Variants in SPAG16 observed in about 807,000 individuals in gnomAD.
SPAG16 encodes the protein sperm-associated antigen 16 protein.
SPAG16 carries 86 observed loss-of-function variants against 80.4 expected under a neutral mutation model. The observed-to-expected ratio is 1.07, with a 90% CI of 0.90 to 1.28. The LOEUF (loss-of-function observed/expected upper bound fraction) is 1.28. SPAG16 is among the 50% of genes most tolerant of loss of function. The pLI is 0.00. For synonymous variants in SPAG16, 294 were observed against 265.9 expected, an observed-to-expected ratio of 1.11 and a Z score of -1.03; for missense variants, 870 against 765.3, an observed-to-expected ratio of 1.14 and a Z score of -1.61.
At chr2:214,118,498 G>C (rs1373340187) in intron 14 of SPAG16, among the ~76,000 whole-genome samples, 1 of 152,050 alleles carries the variant, frequency 6.6e-6, no homozygotes, top group African/African-American at 2.4e-5. Flanking sequence ...ACATCGTTGG[G>C]GAGGCCTCAG....
intron 12 of SPAG16, among the ~76,000 whole-genome samples, chr2:213,961,058 T>C (rs1033284388): frequency 1.3e-5 from 2 of 152,316 alleles, no homozygotes; most frequent in Non-Finnish European, 2.9e-5. Context: ...GCTACTATTA[T>C]GTTAAGAGCC....
At chr2:213,391,739 C>A (rs2067764946) in intron 9 of SPAG16, among the ~76,000 whole-genome samples, 1 of 152,178 alleles carries the variant, frequency 6.6e-6, no homozygotes, top group Admixed American at 6.5e-5. Context: ...ACATAAGTTA[C>A]ACTGAATATG....
intron 12 of SPAG16, among the ~76,000 whole-genome samples, chr2:213,947,810 T>C (rs1200456393): frequency 6.6e-6 from 1 of 152,156 alleles, no homozygotes; most frequent in African/African-American, 2.4e-5. Flanking sequence ...ATGCACAGTC[T>C]TTCACAAATA....
chr2:213,808,464 G>T (rs186269615), intron 10 of SPAG16, among the ~76,000 whole-genome samples: 1 of 152,126 alleles, frequency 6.6e-6, no homozygotes, highest in African/African-American at 2.4e-5. Context: ...AGGAGGATGA[G>T]CTCAATTTCT....
intron 6 of SPAG16, among the ~76,000 whole-genome samples, chr2:213,344,988 G>T (rs56176911): frequency 0.018 from 2,761 of 152,130 alleles, 34 homozygotes; most frequent in Non-Finnish European, 0.028. Flanking sequence ...CTAGTTTACA[G>T]TCCCATCAAC....
intron 10 of SPAG16, among the ~76,000 whole-genome samples, chr2:213,676,195 G>A (rs2064064140): frequency 6.6e-6 from 1 of 152,020 alleles, no homozygotes; most frequent in South Asian, 2.1e-4. Context: ...TCTGTTATTG[G>A]TGTATAAGAA....
At chr2:213,702,366 A>G (rs1038640969) in intron 10 of SPAG16, among the ~76,000 whole-genome samples, 3 of 152,186 alleles carry the variant, frequency 2.0e-5, no homozygotes, top group African/African-American at 2.4e-5. Context: ...ACTTTTTGCA[A>G]TAAATCTTGC....
At chr2:214,329,324 T>C (rs1243112006) in intron 15 of SPAG16, among the ~76,000 whole-genome samples, 1 of 152,256 alleles carries the variant, frequency 6.6e-6, no homozygotes, top group Non-Finnish European at 1.5e-5. Flanking sequence ...TTTATGTATG[T>C]TTCTAACTTG....
intron 12 of SPAG16, among the ~76,000 whole-genome samples, chr2:213,947,912 T>C (rs529204064): frequency 8.5e-5 from 13 of 152,250 alleles, no homozygotes; most frequent in African/African-American, 2.6e-4. Context: ...TTCAAAATTG[T>C]TTTGACTGTT....
At chr2:214,233,352 T>A (rs73987202) in intron 15 of SPAG16, among the ~76,000 whole-genome samples, 8,620 of 149,100 alleles carry the variant, frequency 0.058, 851 homozygotes, top group African/African-American at 0.21. Context: ...ATAATGATGA[T>A]GATGATGATG....
At chr2:213,766,364 A>G (rs1050688102) in intron 10 of SPAG16, among the ~76,000 whole-genome samples, 3 of 152,176 alleles carry the variant, frequency 2.0e-5, no homozygotes, top group Non-Finnish European at 1.5e-5. Context: ...CATGAATTGT[A>G]CACTTTTAAA....
At chr2:213,375,230 T>C (rs955610620) in intron 9 of SPAG16, 111 bp downstream of exon 9, 6 of 763,576 alleles carry the variant, frequency 7.9e-6, no homozygotes, top group Non-Finnish European at 1.2e-5. Flanking sequence ...AGAGGTTATA[T>C]ATTCCGGGCT....
chr2:213,332,687 G>A (rs1400306661), intron 5 of SPAG16, among the ~76,000 whole-genome samples: 1 of 152,134 alleles, frequency 6.6e-6, no homozygotes, highest in African/African-American at 2.4e-5. Flanking sequence ...TGACCAAGTG[G>A]GAATTATTCC....
intron 10 of SPAG16, among the ~76,000 whole-genome samples, chr2:213,525,559 T>C (rs2075858966): frequency 6.6e-6 from 1 of 152,126 alleles, no homozygotes; most frequent in African/African-American, 2.4e-5. Flanking sequence ...AGTGCTGGGA[T>C]TACAGGTGTG....
intron 15 of SPAG16, among the ~76,000 whole-genome samples, chr2:214,177,795 A>G (rs911848075): frequency 6.7e-6 from 1 of 148,562 alleles, no homozygotes; most frequent in African/African-American, 2.5e-5. Flanking sequence ...TATAATAATT[A>G]ATAAAAACCA....
At chr2:213,508,283 A>T (rs2075055914) in intron 10 of SPAG16, among the ~76,000 whole-genome samples, 2 of 152,220 alleles carry the variant, frequency 1.3e-5, no homozygotes, top group Non-Finnish European at 2.9e-5. Context: ...ATAAAAAATG[A>T]TGAGTTCGGC....
At chr2:213,855,912 C>G (rs1234637765) in intron 10 of SPAG16, among the ~76,000 whole-genome samples, 1 of 150,462 alleles carries the variant, frequency 6.6e-6, no homozygotes, top group African/African-American at 2.4e-5. Context: ...TACTCCTGGT[C>G]CCTCCCAAAT....
intron 10 of SPAG16, among the ~76,000 whole-genome samples, chr2:213,794,247 CA>C (rs969289737): frequency 6.6e-6 from 1 of 151,948 alleles, no homozygotes; most frequent in East Asian, 1.9e-4. Flanking sequence ...ATTACAGCAA[CA>C]AAAAAGTCAA....
chr2:214,251,819 C>A (rs1690313784), intron 15 of SPAG16, among the ~76,000 whole-genome samples: 1 of 152,058 alleles, frequency 6.6e-6, no homozygotes, highest in Admixed American at 6.6e-5. Flanking sequence ...AAATACAGCA[C>A]AAATTGCTGA....
Sources: gnomAD v4.1 joint callset for allele counts (sites outside exome capture counted in the v4.1 genomes callset) on GRCh38, gnomAD v4.1.1 for gene constraint, MANE v1.5 for transcripts, NCBI Gene and HGNC (gene_info 2026-07-23, HGNC 2026-07-21) for gene names.